Variants in TENM2 observed in about 807,000 individuals in gnomAD.
TENM2 encodes teneurin-2.
TENM2 carries 52 observed loss-of-function variants against 245.2 expected under a neutral mutation model. That is an observed-to-expected ratio of 0.21 (90% CI 0.17 to 0.27). The LOEUF (loss-of-function observed/expected upper bound fraction) is 0.27, where lower values mean the gene tolerates loss of function less well. Ranked by LOEUF, TENM2 falls within the 10% of genes least tolerant of loss-of-function variation. The probability of loss-of-function intolerance (pLI) is 1.00; values close to 1 mark genes in which losing one functional copy is unlikely to be tolerated. For missense variants in TENM2, 3,046 were observed against 3,666.8 expected (o/e 0.83, Z 4.37); for synonymous variants, 1,363 against 1,438.9 (o/e 0.95, Z 1.19).
At chr5:167,687,515 A>C (rs1302601982) in intron 2 of TENM2, among the ~76,000 whole-genome samples, 1 of 152,172 alleles carries the variant, frequency 6.6e-6, no homozygotes, top group African/African-American at 2.4e-5. Context: ...CTACCTACTT[A>C]ATGTTTTCAT....
chr5:167,420,217 T>A (rs1763417403), intron 2 of TENM2, among the ~76,000 whole-genome samples: 1 of 152,176 alleles, frequency 6.6e-6, no homozygotes, highest in Non-Finnish European at 1.5e-5. Context: ...TGAAGGAAAT[T>A]GTAGGCTATG....
intron 5 of TENM2, among the ~76,000 whole-genome samples, chr5:168,002,528 G>T (rs574119741): frequency 2.0e-5 from 3 of 152,296 alleles, no homozygotes; most frequent in South Asian, 2.1e-4. Context: ...AGGAAGTTCA[G>T]TGTGCCTTTG....
the TENM2 span, among the ~76,000 whole-genome samples, chr5:167,084,751 C>A: frequency 6.6e-6 from 1 of 152,040 alleles, no homozygotes; most frequent in Admixed American, 6.6e-5. Flanking sequence ...GCAGGAAGAT[C>A]TAAATTTGTT....
chr5:167,497,643 G>A (rs868750584), intron 2 of TENM2, among the ~76,000 whole-genome samples: 4 of 151,914 alleles, frequency 2.6e-5, no homozygotes, highest in Admixed American at 6.6e-5. Flanking sequence ...AGAAAAAATC[G>A]TTGTGCCTTA....
intron 2 of TENM2, among the ~76,000 whole-genome samples, chr5:167,786,117 G>A (rs1337923852): frequency 1.3e-5 from 2 of 151,762 alleles, no homozygotes; most frequent in Non-Finnish European, 2.9e-5. Flanking sequence ...TTCTGTCTCT[G>A]ACGCCATGAC....
chr5:168,190,559 C>G lies in TENM2; in HGVS notation c.2780+12C>G, dbSNP rs1444650782. On this transcript the variant is annotated intron_variant, in intron 14 of 28. Coordinates refer to ENST00000518659, the Ensembl canonical transcript of TENM2. ...CCTTTCAACAGCAGGTAGGCACCCT[C>G]TGTCCCTGCAAACTCCTGAAGTCTC... The G allele has an allele frequency of 1.9e-6, 3 of 1,609,726 alleles. No homozygotes were observed. The highest frequency in any genetic ancestry group is 2.5e-6 in the Non-Finnish European group (3 of 1,176,802).
chr5:167,841,521 G>A (rs1037582871), intron 2 of TENM2, among the ~76,000 whole-genome samples: 4 of 152,126 alleles, frequency 2.6e-5, no homozygotes, highest in Admixed American at 6.5e-5. Context: ...CCACACAAGC[G>A]TGTATATTAT....
At chr5:168,042,027 G>A (rs1476837942) in intron 5 of TENM2, among the ~76,000 whole-genome samples, 9 of 152,122 alleles carry the variant, frequency 5.9e-5, no homozygotes, top group Admixed American at 5.2e-4. Flanking sequence ...TTTGGAATTG[G>A]TATATTTCCC....
At chr5:167,414,214 A>G (rs1246639637) in intron 2 of TENM2, among the ~76,000 whole-genome samples, 1 of 152,128 alleles carries the variant, frequency 6.6e-6, no homozygotes, top group Non-Finnish European at 1.5e-5. Context: ...CTTTACTGTA[A>G]GTTTTCTGAT....
chr5:167,880,927 A>C (rs1011529000), intron 3 of TENM2, among the ~76,000 whole-genome samples: 4 of 152,200 alleles, frequency 2.6e-5, no homozygotes, highest in Non-Finnish European at 4.4e-5. Flanking sequence ...GTCACCATTC[A>C]GGACCTGAAA....
At chr5:167,799,833 C>T (rs140013376) in intron 2 of TENM2, among the ~76,000 whole-genome samples, 1 of 152,196 alleles carries the variant, frequency 6.6e-6, no homozygotes, top group Non-Finnish European at 1.5e-5. Context: ...CTATGATGAT[C>T]ACAGTTTGAT....
intron 4 of TENM2, among the ~76,000 whole-genome samples, chr5:167,981,457 G>C (rs1019236132): frequency 9.2e-5 from 14 of 152,322 alleles, no homozygotes; most frequent in Middle Eastern, 3.4e-3. Context: ...TCCAAATGTA[G>C]ATAGGGTAAT....
intron 22 of TENM2, among the ~76,000 whole-genome samples, chr5:168,217,355 G>A (rs1207314999): frequency 1.3e-5 from 2 of 152,180 alleles, no homozygotes; most frequent in Non-Finnish European, 2.9e-5. Flanking sequence ...CTAGAGCAGA[G>A]CCCTCTACAA....
At chr5:167,096,058 C>T in the TENM2 span, among the ~76,000 whole-genome samples, 1 of 152,158 alleles carries the variant, frequency 6.6e-6, no homozygotes, top group Non-Finnish European at 1.5e-5. Flanking sequence ...AGGCATGAGC[C>T]ACCACGCCTG....
intron 2 of TENM2, among the ~76,000 whole-genome samples, chr5:167,618,332 AC>A (rs1777930533): frequency 6.6e-6 from 1 of 151,748 alleles, no homozygotes; most frequent in Non-Finnish European, 1.5e-5. Flanking sequence ...TGCTCTTACC[AC>A]CCCCTGTAAG....
chr5:167,081,973 CA>C, the TENM2 span, among the ~76,000 whole-genome samples: 4 of 152,178 alleles, frequency 2.6e-5, no homozygotes, highest in African/African-American at 9.7e-5. Flanking sequence ...AAGCTGGGAA[CA>C]AGGTCTGTTT....
the TENM2 span, among the ~76,000 whole-genome samples, chr5:167,117,164 C>T: frequency 5.9e-5 from 9 of 152,206 alleles, no homozygotes; most frequent in Admixed American, 3.9e-4. Context: ...AAGTAATTCA[C>T]TGAATCAGTT....
chr5:168,000,727 G>A lies in TENM2; in HGVS notation c.1186+7545G>A, dbSNP rs528836006. ...TTTGGAAAGAGATAGGCACAGGCACGATAGATTGATGTAACAACCATGTGA... is the reference window on the plus strand; with the variant it reads ...TTTGGAAAGAGATAGGCACAGGCACAATAGATTGATGTAACAACCATGTGA... On this transcript the variant is annotated intron_variant, in intron 5 of 28. Coordinates refer to ENST00000518659, the Ensembl canonical transcript of TENM2. Among the ~76,000 whole-genome samples the A allele has an allele frequency of 7.2e-5, 11 of 152,284 alleles. No homozygotes were observed. The South Asian group carries it at 2.3e-3, about 32-fold the overall frequency.
At chr5:167,789,004 T>A (rs1233495429) in intron 2 of TENM2, among the ~76,000 whole-genome samples, 1 of 152,140 alleles carries the variant, frequency 6.6e-6, no homozygotes, top group Non-Finnish European at 1.5e-5. Flanking sequence ...CCCCACTAGA[T>A]CTACTACACG....
Sources: gnomAD v4.1 joint callset for allele counts (sites outside exome capture counted in the v4.1 genomes callset) on GRCh38, gnomAD v4.1.1 for gene constraint, MANE v1.5 for transcripts, NCBI Gene and HGNC (gene_info 2026-07-23, HGNC 2026-07-21) for gene names.